MAP4: variants seen among roughly 807,000 people sequenced by gnomAD.
MAP4 encodes the protein microtubule associated protein 4, also known as microtubule-associated protein 4.
MAP4 carries 76 observed loss-of-function variants against 170.2 expected under a neutral mutation model. That is an observed-to-expected ratio of 0.45 (90% confidence interval 0.37 to 0.54). The LOEUF is 0.54. Among genes scored for constraint, MAP4 ranks in the 20% least tolerant of loss-of-function variants. The pLI is 0.00. For missense variants in MAP4, 2,506 were observed against 2,748.0 expected (o/e 0.91, Z 1.97); for synonymous variants, 909 against 994.5 (o/e 0.91, Z 1.62).
At chr3:47,887,673 G>C (rs947798747) in intron 10 of MAP4, among the ~76,000 whole-genome samples, 1 of 152,262 alleles carries the variant, frequency 6.6e-6, no homozygotes, top group African/African-American at 2.4e-5. Context: ...CTGGGCTCCT[G>C]AGTCTGGTGG....
chr3:47,907,280 A>G (rs2100033632), intron 9 of MAP4, among the ~76,000 whole-genome samples: 1 of 152,228 alleles, frequency 6.6e-6, no homozygotes, highest in Non-Finnish European at 1.5e-5. Context: ...CTGGAAGGAT[A>G]TATAAGCTAT....
chr3:48,085,471 A>T (rs913109898), intron 1 of MAP4, among the ~76,000 whole-genome samples: 1 of 152,234 alleles, frequency 6.6e-6, no homozygotes, highest in Admixed American at 6.5e-5. Flanking sequence ...TAAATTTGAA[A>T]ATTTTAACAA....
chr3:48,050,905 CAA>C (rs550968391), intron 1 of MAP4, among the ~76,000 whole-genome samples: 18 of 106,030 alleles, frequency 1.7e-4, no homozygotes, highest in Non-Finnish European at 1.6e-4. Flanking sequence ...AACTCCATCT[CAA>C]AAAAAAAAAA....
chr3:47,964,946 T>C (rs1210035939), intron 3 of MAP4, among the ~76,000 whole-genome samples: 2 of 152,072 alleles, frequency 1.3e-5, no homozygotes, highest in East Asian at 3.9e-4. Context: ...CCACCATCCA[T>C]CTCCAGAACT....
At chr3:47,881,578 C>T (rs2096776400) in intron 10 of MAP4, among the ~76,000 whole-genome samples, 1 of 146,462 alleles carries the variant, frequency 6.8e-6, no homozygotes, top group African/African-American at 2.5e-5. Context: ...AACTTTCAAC[C>T]TACCTATGTC....
chr3:47,981,119 C>G (rs1466549656), intron 2 of MAP4, among the ~76,000 whole-genome samples: 1 of 152,130 alleles, frequency 6.6e-6, no homozygotes, highest in African/African-American at 2.4e-5. Flanking sequence ...TGAATATAAA[C>G]AGAATGTTTA....
chr3:48,050,351 A>G (rs2100127043), intron 1 of MAP4, among the ~76,000 whole-genome samples: 1 of 152,074 alleles, frequency 6.6e-6, no homozygotes, highest in African/African-American at 2.4e-5. Flanking sequence ...ATTAATTTTT[A>G]TAATATACTA....
chr3:47,892,721 C>G, intron 10 of MAP4: 1 of 1,349,802 alleles, frequency 7.4e-7, no homozygotes, highest in Non-Finnish European at 9.5e-7. Context: ...AAGGAACCTG[C>G]TGCTTTCTGC....
chr3:47,862,239 G>C (rs1006098119), intron 17 of MAP4, among the ~76,000 whole-genome samples: 2 of 146,482 alleles, frequency 1.4e-5, no homozygotes, highest in Non-Finnish European at 1.5e-5. Context: ...CCTATGTTAG[G>C]AATATATCCT....
At chr3:48,079,529 C>A (rs2100145548) in intron 1 of MAP4, among the ~76,000 whole-genome samples, 1 of 151,852 alleles carries the variant, frequency 6.6e-6, no homozygotes, top group Non-Finnish European at 1.5e-5. Flanking sequence ...GTGGTGTGCA[C>A]CTGTACTCCC....
intron 1 of MAP4, among the ~76,000 whole-genome samples, chr3:48,068,410 A>G (rs926990099): frequency 6.6e-6 from 1 of 152,140 alleles, no homozygotes; most frequent in Non-Finnish European, 1.5e-5. Context: ...TTATTTATTT[A>G]TATTTTAGAG....
chr3:48,050,850 A>G (rs1343570185), intron 1 of MAP4, among the ~76,000 whole-genome samples: 1 of 151,242 alleles, frequency 6.6e-6, no homozygotes, highest in African/African-American at 2.4e-5. Context: ...GGTTGCGGTG[A>G]GCTGAGATCG....
At chr3:47,930,451 CA>C (rs1310181534) in intron 3 of MAP4, among the ~76,000 whole-genome samples, 20 of 94,782 alleles carry the variant, frequency 2.1e-4, no homozygotes, top group Middle Eastern at 7.0e-3. Flanking sequence ...GACTCCGTCT[CA>C]AAAAAAAAAA....
intron 10 of MAP4, among the ~76,000 whole-genome samples, chr3:47,884,734 T>C (rs1408655208): frequency 6.6e-6 from 1 of 152,144 alleles, no homozygotes; most frequent in Admixed American, 6.5e-5. Flanking sequence ...GCAGACCTCC[T>C]GTTTGATCTC....
intron 1 of MAP4, among the ~76,000 whole-genome samples, chr3:48,034,657 C>G (rs1023931400): frequency 6.6e-6 from 1 of 151,844 alleles, no homozygotes; most frequent in Non-Finnish European, 1.5e-5. Flanking sequence ...GAGCTGAGAT[C>G]ATGCCACCAC....
chr3:48,035,322 A>G (rs2100118287), intron 1 of MAP4, among the ~76,000 whole-genome samples: 1 of 151,330 alleles, frequency 6.6e-6, no homozygotes, highest in African/African-American at 2.4e-5. Flanking sequence ...AAAAAAAGAA[A>G]CTCCAACCCA....
rs1308487694 is a variant in MAP4 at position 47,850,981 on chromosome 3, C to G, written c.*1953G>C. On this transcript the variant is annotated 3_prime_UTR_variant, in exon 21 of 21. Transcript: ENST00000683076. ...CCTTTGGCCAAAGGAGTGAAAGGAC[C>G]TGGAACCTGTCGTCAACCTCAGCAT... 6.6e-6 allele frequency: 1 copy of G among 152,418 alleles called. No homozygotes were observed. Among genetic ancestry groups the G allele is most frequent in the African/African-American group, 2.4e-5 (1 of 41,422 alleles). The allele number at this position is 152,418 out of a possible 1,614,324, so 9.4% of individuals were successfully genotyped here. A position where few individuals can be genotyped will look rare whatever the true frequency, so the allele number is the denominator to read the frequency against.
intron 17 of MAP4, among the ~76,000 whole-genome samples, chr3:47,857,715 T>G (rs548921209): frequency 6.8e-6 from 1 of 147,030 alleles, no homozygotes; most frequent in African/African-American, 2.5e-5. Context: ...TTCACTTCCT[T>G]TTTTTTTTTT....
chr3:48,074,487 A>G lies in MAP4; in HGVS notation c.-20+14286T>C, dbSNP rs572210126. Among the ~76,000 whole-genome samples, 547 of 84,844 alleles carry G rather than the reference A, an allele frequency of 6.4e-3. 7 individuals carry two copies. Among genetic ancestry groups the G allele is most frequent in the African/African-American group, 0.024 (527 of 21,512 alleles). 55.7% of individuals were successfully genotyped at this position (84,844 alleles called of 152,430 possible). A position where few individuals can be genotyped will look rare whatever the true frequency, so the allele number is the denominator to read the frequency against. ...AAAAGAAAAAAAAACTACAAAATAC[A>G]TTATATATATATATACACACACTTT... On this transcript the variant is annotated intron_variant, in intron 1 of 18. Transcript: ENST00000360240.
Sources: allele counts gnomAD v4.1 joint callset (sites outside exome capture counted in the v4.1 genomes callset), GRCh38; gene constraint gnomAD v4.1.1; transcripts MANE v1.5; gene names NCBI Gene and HGNC (gene_info 2026-07-23, HGNC 2026-07-21).